The following FAM13A variants were observed in gnomAD, a reference collection of about 807,000 sequenced individuals.
FAM13A encodes protein FAM13A.
Under a neutral mutation model 129.6 loss-of-function variants are expected in FAM13A, and 76 were observed. The observed-to-expected ratio is 0.59, with a 90% confidence interval of 0.49 to 0.71. The LOEUF is 0.71. Ranked by LOEUF, FAM13A falls within the 30% of genes least tolerant of loss-of-function variation. The pLI, the probability that FAM13A is intolerant of heterozygous loss-of-function variation, is 0.00. For missense variants in FAM13A, 1,108 were observed against 1,249.3 expected, an observed-to-expected ratio of 0.89 and a Z score of 1.70; for synonymous variants, 443 against 449.9, an observed-to-expected ratio of 0.98 and a Z score of 0.20.
chr4:88,906,724 C>A (rs773109801), intron 5 of FAM13A, among the ~76,000 whole-genome samples: 6 of 152,184 alleles, frequency 3.9e-5, no homozygotes, highest in Non-Finnish European at 7.3e-5. Context: ...AAAATCATAT[C>A]TGCACTGTTA....
At chr4:88,866,197 C>T (rs1185828647) in intron 6 of FAM13A, among the ~76,000 whole-genome samples, 3 of 152,070 alleles carry the variant, frequency 2.0e-5, no homozygotes, top group East Asian at 1.9e-4. Flanking sequence ...CAGGCGCCTG[C>T]CACCATGGCC....
At chr4:89,034,652 C>A (rs536437507) in intron 1 of FAM13A, among the ~76,000 whole-genome samples, 1 of 152,268 alleles carries the variant, frequency 6.6e-6, no homozygotes, top group South Asian at 2.1e-4. Flanking sequence ...GAGGCCAAGG[C>A]AGGTGGATCA....
chr4:88,768,808 T>A (rs1037543466), intron 11 of FAM13A, among the ~76,000 whole-genome samples: 2 of 152,120 alleles, frequency 1.3e-5, no homozygotes, highest in Non-Finnish European at 2.9e-5. Flanking sequence ...CCAGGTGGGG[T>A]TAATGCTTAC....
At chr4:89,026,102 C>T (rs1353356019) in intron 2 of FAM13A, among the ~76,000 whole-genome samples, 1 of 152,100 alleles carries the variant, frequency 6.6e-6, no homozygotes, top group African/African-American at 2.4e-5. Context: ...TCTAGGTACC[C>T]GTAGTTGGAC....
intron 13 of FAM13A, among the ~76,000 whole-genome samples, chr4:88,762,820 A>AT (rs1285546398): frequency 6.6e-6 from 1 of 152,082 alleles, no homozygotes; most frequent in Non-Finnish European, 1.5e-5. Context: ...GCATTCTCAA[A>AT]TATAAAAATA....
chr4:89,015,362 T>G (rs780031099), intron 3 of FAM13A, among the ~76,000 whole-genome samples: 2 of 152,170 alleles, frequency 1.3e-5, no homozygotes, highest in Non-Finnish European at 2.9e-5. Flanking sequence ...AAATCACTAA[T>G]AAAAATTTGC....
chr4:88,788,779 G>T (rs1724510517), intron 9 of FAM13A, among the ~76,000 whole-genome samples: 1 of 151,970 alleles, frequency 6.6e-6, no homozygotes. Flanking sequence ...GCTTGAAAAA[G>T]AACTATATAT....
chr4:88,902,660 T>C (rs1280965242), intron 6 of FAM13A, among the ~76,000 whole-genome samples: 3 of 152,176 alleles, frequency 2.0e-5, no homozygotes, highest in African/African-American at 7.2e-5. Flanking sequence ...TCATACTGAA[T>C]GAGCAAAAGC....
intron 7 of FAM13A, among the ~76,000 whole-genome samples, chr4:88,849,890 A>G (rs1737260282): frequency 6.6e-6 from 1 of 152,180 alleles, no homozygotes; most frequent in Admixed American, 6.5e-5. Context: ...AACTAATTCC[A>G]GTTTACAATT....
chr4:88,931,060 G>C lies in FAM13A; in HGVS notation c.759+7028C>G, dbSNP rs181200338. On this transcript the variant is annotated intron_variant, in intron 5 of 23. Transcript: ENST00000264344. ...AAAGAGTGGGGTCCCTCTCAGGCAAGAAGCCTGGACAAGAAGCTGTGGGGA... is the reference window on the plus strand; with the variant it reads ...AAAGAGTGGGGTCCCTCTCAGGCAACAAGCCTGGACAAGAAGCTGTGGGGA... Among the ~76,000 whole-genome samples, 9 of 152,208 alleles carry C rather than the reference G, an allele frequency of 5.9e-5. No individual in the cohort carries two copies. In the East Asian group the frequency reaches 1.4e-3, roughly 23 times the overall value.
intron 23 of FAM13A, 69 bp from the exon 24 acceptor site, chr4:88,728,728 C>A (rs1158513139): frequency 1.2e-5 from 18 of 1,558,248 alleles, no homozygotes; most frequent in Admixed American, 1.7e-5. Flanking sequence ...ATTCATCGGG[C>A]AAATTATCAT....
At chr4:89,013,001 A>G (rs1247542779) in intron 3 of FAM13A, among the ~76,000 whole-genome samples, 2 of 152,196 alleles carry the variant, frequency 1.3e-5, no homozygotes, top group Non-Finnish European at 2.9e-5. Flanking sequence ...ACTTTATCAC[A>G]TATTGATGTA....
chr4:88,962,848 T>C lies in FAM13A; in HGVS notation c.606-24607A>G, dbSNP rs147715675. Among the ~76,000 whole-genome samples the C allele has an allele frequency of 2.6e-5, 4 of 152,316 alleles. No individual in the cohort carries two copies. In the East Asian group the frequency reaches 7.7e-4, roughly 29 times the overall value. ...AATTCCAAAACATAAGGGAATACTA[T>C]GACAACTACTACAACAGTGGTATAA... On this transcript the variant is annotated intron_variant, in intron 4 of 23. Coordinates refer to ENST00000264344, the MANE Select transcript of FAM13A (RefSeq NM_014883.4).
At chr4:88,911,568 C>T (rs1749092747) in intron 5 of FAM13A, among the ~76,000 whole-genome samples, 1 of 152,176 alleles carries the variant, frequency 6.6e-6, no homozygotes, top group Admixed American at 6.5e-5. Context: ...AATCTACAAA[C>T]CTAGCTGAAA....
At chr4:88,985,049 C>T (rs72665854) in intron 4 of FAM13A, among the ~76,000 whole-genome samples, 86 of 152,254 alleles carry the variant, frequency 5.6e-4, no homozygotes, top group Non-Finnish European at 1.0e-3. Context: ...TACCCACCAA[C>T]TAATGAGTTG....
chr4:88,758,041 T>G (rs1744045586), intron 14 of FAM13A, among the ~76,000 whole-genome samples: 1 of 152,188 alleles, frequency 6.6e-6, no homozygotes, highest in Non-Finnish European at 1.5e-5. Flanking sequence ...TGTGTTTGGA[T>G]GCAGACACAT....
At chr4:88,848,613 C>T (rs538735674) in intron 7 of FAM13A, among the ~76,000 whole-genome samples, 6 of 152,192 alleles carry the variant, frequency 3.9e-5, no homozygotes, top group Admixed American at 2.6e-4. Flanking sequence ...CTTACTTGCG[C>T]TGAATTGCTC....
intron 1 of FAM13A, among the ~76,000 whole-genome samples, chr4:89,050,505 CA>C (rs959667618): frequency 6.6e-6 from 1 of 151,984 alleles, no homozygotes; most frequent in Non-Finnish European, 1.5e-5. Context: ...TGTGCCTGGA[CA>C]AAACTCATGT....
At chr4:88,908,295 A>C (rs1056870369) in intron 5 of FAM13A, among the ~76,000 whole-genome samples, 1 of 152,252 alleles carries the variant, frequency 6.6e-6, no homozygotes, top group African/African-American at 2.4e-5. Context: ...AGGAGAGCCA[A>C]CTGCATAATA....
Sources: gnomAD v4.1 joint callset for allele counts (sites outside exome capture counted in the v4.1 genomes callset) on GRCh38, gnomAD v4.1.1 for gene constraint, MANE v1.5 for transcripts, NCBI Gene and HGNC (gene_info 2026-07-23, HGNC 2026-07-21) for gene names.